The following SRBD1 variants were observed in gnomAD, a reference collection of about 807,000 sequenced individuals.
SRBD1 encodes S1 RNA binding domain 1.
A neutral mutation model predicts 115.3 loss-of-function variants in SRBD1; 88 were observed. The ratio of observed to expected loss-of-function variants is 0.76; its 90% CI spans 0.64 to 0.91. The LOEUF is 0.91. SRBD1 is among the 40% of genes least tolerant of loss of function. The pLI, the probability that SRBD1 is intolerant of heterozygous loss-of-function variation, is 0.00. For synonymous variants in SRBD1, 509 were observed against 407.7 expected, an observed-to-expected ratio of 1.25 and a Z score of -2.99; for missense variants, 1,385 against 1,177.4, an observed-to-expected ratio of 1.18 and a Z score of -2.58.
intron 16 of SRBD1, among the ~76,000 whole-genome samples, chr2:45,455,871 A>G (rs1669136406): frequency 1.3e-5 from 2 of 151,914 alleles, no homozygotes; most frequent in Admixed American, 6.6e-5. Context: ...AACCCTGTGC[A>G]TTTTTGAAAG....
At chr2:45,414,798 T>C (rs1273023952) in intron 18 of SRBD1, among the ~76,000 whole-genome samples, 1 of 142,224 alleles carries the variant, frequency 7.0e-6, no homozygotes, top group Admixed American at 6.9e-5. Context: ...AGTGTGTATA[T>C]AGTATGTACA....
intron 14 of SRBD1, among the ~76,000 whole-genome samples, chr2:45,541,636 C>T (rs2104013842): frequency 6.6e-6 from 1 of 152,344 alleles, no homozygotes; most frequent in East Asian, 1.9e-4. Flanking sequence ...AGAGGAGACC[C>T]ACAGTGGGTA....
chr2:45,515,918 T>C (rs984538965), intron 14 of SRBD1, among the ~76,000 whole-genome samples: 2 of 152,108 alleles, frequency 1.3e-5, no homozygotes, highest in Non-Finnish European at 2.9e-5. Flanking sequence ...GCTGATTCAC[T>C]CCATGACAAG....
intron 9 of SRBD1, among the ~76,000 whole-genome samples, chr2:45,571,794 TA>T (rs1476339952): frequency 1.3e-5 from 2 of 151,316 alleles, no homozygotes; most frequent in East Asian, 3.9e-4. Flanking sequence ...ATACAAAGAA[TA>T]AATCAACAAG....
intron 16 of SRBD1, among the ~76,000 whole-genome samples, chr2:45,445,030 T>C (rs922786526): frequency 6.6e-6 from 1 of 152,202 alleles, no homozygotes; most frequent in African/African-American, 2.4e-5. Flanking sequence ...ACAAAAGTCA[T>C]CCCGACCACA....
chr2:45,581,673 A>C lies in SRBD1; in HGVS notation c.933+20T>G, dbSNP rs756858628. On this transcript the variant is annotated intron_variant, in intron 6 of 20. Transcript: ENST00000263736. ...CAATATATTCAGGTATTACATTAAA[A>C]GATAAAAAGGATTCCTTACCACGTG... is the stretch of plus-strand genomic sequence containing the variant. The C allele has an allele frequency of 6.3e-7, 1 of 1,585,994 alleles. No individual in the cohort carries two copies. Among genetic ancestry groups the C allele is most frequent in the East Asian group, 2.2e-5 (1 of 44,570 alleles).
At chr2:45,425,783 G>A (rs1008021763) in intron 16 of SRBD1, among the ~76,000 whole-genome samples, 5 of 152,116 alleles carry the variant, frequency 3.3e-5, no homozygotes, top group African/African-American at 1.2e-4. Flanking sequence ...CGTGCTGTGA[G>A]GGACTGTGCT....
intron 12 of SRBD1, among the ~76,000 whole-genome samples, chr2:45,549,501 C>T (rs1445234728): frequency 2.6e-5 from 4 of 150,980 alleles, no homozygotes; most frequent in Admixed American, 6.6e-5. Flanking sequence ...ATATAATGTC[C>T]TTACAGAAAG....
intron 14 of SRBD1, among the ~76,000 whole-genome samples, chr2:45,539,056 A>G (rs1230732802): frequency 1.3e-5 from 2 of 152,112 alleles, no homozygotes; most frequent in Non-Finnish European, 2.9e-5. Context: ...AAAGATCATT[A>G]TCTATTTTTT....
chr2:45,564,604 A>G (rs1453269341), intron 9 of SRBD1, among the ~76,000 whole-genome samples: 1 of 152,234 alleles, frequency 6.6e-6, no homozygotes, highest in Non-Finnish European at 1.5e-5. Context: ...ACTAGCAATA[A>G]ACATTCTGAA....
intron 16 of SRBD1, among the ~76,000 whole-genome samples, chr2:45,472,844 T>G (rs1669691158): frequency 6.6e-6 from 1 of 152,186 alleles, no homozygotes; most frequent in African/African-American, 2.4e-5. Context: ...ATCTTTCTTT[T>G]TCCTATTTCA....
intron 14 of SRBD1, among the ~76,000 whole-genome samples, chr2:45,545,283 T>TAAAAAAAAAAAAAAAAAAAA (rs56909656): frequency 1.2e-4 from 8 of 68,570 alleles, no homozygotes; most frequent in Admixed American, 4.0e-4. Flanking sequence ...CTGTCTCAAT[T>TAAAAAAAAAAAAAAAAAAAA]AAAAAAAAAA....
intron 15 of SRBD1, among the ~76,000 whole-genome samples, chr2:45,478,367 C>G (rs545453557): frequency 4.6e-5 from 7 of 152,304 alleles, no homozygotes; most frequent in African/African-American, 1.7e-4. Flanking sequence ...TACTTATCTA[C>G]TGTGAACATC....
chr2:45,524,798 A>C (rs188080532), intron 14 of SRBD1, among the ~76,000 whole-genome samples: 17 of 152,204 alleles, frequency 1.1e-4, no homozygotes, highest in Middle Eastern at 3.4e-3. Context: ...AGCTGATTCT[A>C]AAATTCAAGT....
chr2:45,420,901 A>G (rs1008692853), intron 16 of SRBD1, among the ~76,000 whole-genome samples: 1 of 152,190 alleles, frequency 6.6e-6, no homozygotes, highest in Non-Finnish European at 1.5e-5. Flanking sequence ...TCTAGGGTAC[A>G]TGTGCACAAC....
At chr2:45,451,423 A>C (rs1668989294) in intron 16 of SRBD1, among the ~76,000 whole-genome samples, 1 of 152,108 alleles carries the variant, frequency 6.6e-6, no homozygotes, top group South Asian at 2.1e-4. Flanking sequence ...CTTCCAAGAA[A>C]AAGTCCCTTA....
Position 45,430,623 on chromosome 2 carries a change from C to T in SRBD1, c.2050-10729G>A, listed in dbSNP as rs997761341. Among the ~76,000 whole-genome samples, 9 of 152,282 alleles carry T rather than the reference C, an allele frequency of 5.9e-5. No individual in the cohort carries two copies. The South Asian group carries it at 1.2e-3, about 21-fold the overall frequency. ...AAACTGAAACTGGACCCCTTCCTTA[C>T]ATCTTATACAAAAATTAACTCAAGA... On this transcript the variant is annotated intron_variant, in intron 16 of 20. Coordinates refer to ENST00000263736, the MANE Select transcript of SRBD1 (RefSeq NM_018079.5).
intron 18 of SRBD1, among the ~76,000 whole-genome samples, chr2:45,414,756 ACAG>A (rs1351368687): frequency 0.02 from 2,397 of 119,474 alleles, 125 homozygotes; most frequent in Admixed American, 0.049. Context: ...GTACACACAC[ACAG>A]TGTGTATATA....
In SRBD1 at chr2:45,551,275, G is replaced by C. The variant is rs753915787; in HGVS notation, c.1525C>G (p.Leu509Val). 19 of 1,590,160 alleles carry C rather than the reference G, an allele frequency of 1.2e-5. No individual in the cohort carries two copies. The highest frequency in any genetic ancestry group is 1.6e-5 in the Non-Finnish European group (19 of 1,174,932). ...PLLCREFRAK[L>V]TSDAEKESVM... is the part of the protein sequence containing the mutation. ...GATTCCTTCTCTGCATCTGATGTTA[G>C]TTTGGCTCTTTAGAAATAGAAGAAA... The change falls in exon 12 of 21, where the codon CTA becomes GTA. Residue 509 changes from leucine to valine, a missense_variant. Leu to Val is a conservative substitution (Grantham distance 32). Transcript: ENST00000263736.
Sources: gnomAD v4.1 joint callset for allele counts (sites outside exome capture counted in the v4.1 genomes callset) on GRCh38, gnomAD v4.1.1 for gene constraint, MANE v1.5 for transcripts, NCBI Gene and HGNC (gene_info 2026-07-23, HGNC 2026-07-21) for gene names.